ITGBL1: variants seen among roughly 807,000 people sequenced by gnomAD.
ITGBL1 encodes integrin beta-like protein 1.
ITGBL1 carries 51 observed loss-of-function variants against 68.5 expected under a neutral mutation model. The ratio of observed to expected loss-of-function variants is 0.74; its 90% CI spans 0.59 to 0.94. The LOEUF (loss-of-function observed/expected upper bound fraction) is 0.94. ITGBL1 is among the 40% of genes least tolerant of loss of function. ITGBL1 has a pLI of 0.00. For missense variants in ITGBL1, 649 were observed against 647.4 expected, an observed-to-expected ratio of 1.00 and a Z score of -0.03; for synonymous variants, 209 against 227.3, an observed-to-expected ratio of 0.92 and a Z score of 0.72.
intron 9 of ITGBL1, chr13:101,713,413 A>G (rs2034570968): frequency 1.3e-5 from 2 of 152,172 alleles, no homozygotes; most frequent in Non-Finnish European, 2.9e-5. Context: ...ACTCTTTTCA[A>G]CTGCACATTT....
chr13:101,557,470 A>G (rs570590038), intron 2 of ITGBL1, among the ~76,000 whole-genome samples: 130 of 152,324 alleles, frequency 8.5e-4, no homozygotes, highest in South Asian at 3.3e-3. Flanking sequence ...TCTATTTCAA[A>G]CCATGCAATA....
intron 2 of ITGBL1, among the ~76,000 whole-genome samples, chr13:101,458,241 TC>T (rs2048270958): frequency 6.6e-6 from 1 of 152,222 alleles, no homozygotes; most frequent in African/African-American, 2.4e-5. Flanking sequence ...GGCTAAAAGT[TC>T]TTGAGAAAGA....
At chr13:101,506,452 C>T (rs2049028498) in intron 2 of ITGBL1, among the ~76,000 whole-genome samples, 1 of 152,126 alleles carries the variant, frequency 6.6e-6, no homozygotes, top group Non-Finnish European at 1.5e-5. Context: ...TTCATAGCGA[C>T]TCTGAAAGAC....
chr13:101,658,231 T>A (rs976106055), intron 7 of ITGBL1, among the ~76,000 whole-genome samples: 1 of 152,200 alleles, frequency 6.6e-6, no homozygotes, highest in African/African-American at 2.4e-5. Flanking sequence ...ACTGGGAGAA[T>A]GACCTTAATT....
chr13:101,650,636 A>G (rs151256031), intron 7 of ITGBL1, among the ~76,000 whole-genome samples: 2 of 120,944 alleles, frequency 1.7e-5, no homozygotes, highest in Non-Finnish European at 3.5e-5. Context: ...TTTTTTTTTT[A>G]GTCAACTTTT....
intron 7 of ITGBL1, among the ~76,000 whole-genome samples, chr13:101,666,919 A>G (rs2033233581): frequency 6.6e-6 from 1 of 152,220 alleles, no homozygotes; most frequent in Non-Finnish European, 1.5e-5. Context: ...AGGTCAAAGA[A>G]TTAGGGCACA....
intron 2 of ITGBL1, among the ~76,000 whole-genome samples, chr13:101,467,250 G>A (rs1024753286): frequency 1.3e-5 from 2 of 152,158 alleles, no homozygotes; most frequent in Admixed American, 6.6e-5. Flanking sequence ...CCTTGGCAAA[G>A]GGAAACCTCA....
At chr13:101,637,697 C>CAGA (rs1161586211) in intron 7 of ITGBL1, among the ~76,000 whole-genome samples, 7 of 152,208 alleles carry the variant, frequency 4.6e-5, no homozygotes, top group African/African-American at 1.7e-4. Flanking sequence ...ATCACACCAA[C>CAGA]AGAAATACTA....
intron 7 of ITGBL1, among the ~76,000 whole-genome samples, chr13:101,627,321 C>T (rs2031820565): frequency 6.6e-6 from 1 of 151,942 alleles, no homozygotes; most frequent in Non-Finnish European, 1.5e-5. Flanking sequence ...TTTAAGTTCA[C>T]AGTAATACTG....
At chr13:101,649,994 C>T (rs1182240654) in intron 7 of ITGBL1, among the ~76,000 whole-genome samples, 1 of 151,868 alleles carries the variant, frequency 6.6e-6, no homozygotes, top group Non-Finnish European at 1.5e-5. Context: ...TCTGCTCTGC[C>T]CAATAAAGTG....
chr13:101,707,950 C>A (rs2034299075), intron 9 of ITGBL1, among the ~76,000 whole-genome samples: 1 of 150,960 alleles, frequency 6.6e-6, no homozygotes. Context: ...AGCCACCAAC[C>A]CAATAAAACA....
intron 7 of ITGBL1, among the ~76,000 whole-genome samples, chr13:101,635,193 C>T (rs2032129368): frequency 6.6e-6 from 1 of 151,872 alleles, no homozygotes. Flanking sequence ...TCTGTGTTGC[C>T]TCAGCAAATA....
intron 7 of ITGBL1, among the ~76,000 whole-genome samples, chr13:101,604,865 T>C (rs867777782): frequency 3.1e-3 from 56 of 17,990 alleles, no homozygotes; most frequent in African/African-American, 5.4e-3. Flanking sequence ...TATATATATA[T>C]ATATATATAT....
At chr13:101,548,426 G>T (rs2049863920) in intron 2 of ITGBL1, among the ~76,000 whole-genome samples, 1 of 151,774 alleles carries the variant, frequency 6.6e-6, no homozygotes, top group Non-Finnish European at 1.5e-5. Flanking sequence ...TACAGAGATT[G>T]AAAAGCTATT....
At chr13:101,625,067 A>G (rs1212340845) in intron 7 of ITGBL1, among the ~76,000 whole-genome samples, 1 of 152,166 alleles carries the variant, frequency 6.6e-6, no homozygotes, top group East Asian at 1.9e-4. Context: ...CAGCATATTT[A>G]TTTTTTAAAG....
At chr13:101,603,787 A>G (rs1352341041) in intron 7 of ITGBL1, among the ~76,000 whole-genome samples, 1 of 151,976 alleles carries the variant, frequency 6.6e-6, no homozygotes, top group Non-Finnish European at 1.5e-5. Flanking sequence ...AAATGACTTC[A>G]TCTCAAAAAT....
At chr13:101,519,960 C>A (rs762262332) in intron 2 of ITGBL1, among the ~76,000 whole-genome samples, 1 of 152,058 alleles carries the variant, frequency 6.6e-6, no homozygotes, top group Non-Finnish European at 1.5e-5. Context: ...GTCAATAAAG[C>A]CATGTGTGTA....
chr13:101,679,110 G>T lies in ITGBL1; in HGVS notation c.1016-13475G>T, dbSNP rs139788969. On this transcript the variant is annotated intron_variant, in intron 7 of 10. Transcript: ENST00000376180. ...TTTAGTAGACATGCGGTTTCACCAT[G>T]TTGGCCAGGATGGTCTCCATCTCCT... 7.2e-3 allele frequency among the ~76,000 whole-genome samples: 1,085 copies of T among 151,682 alleles called. 12 individuals carry two copies. The highest frequency in any genetic ancestry group is 0.024 in the African/African-American group (990 of 41,350).
At chr13:101,710,382 G>A (rs2034404057) in intron 9 of ITGBL1, among the ~76,000 whole-genome samples, 1 of 152,162 alleles carries the variant, frequency 6.6e-6, no homozygotes, top group Non-Finnish European at 1.5e-5. Flanking sequence ...ATGGAACTGT[G>A]ATCTATGATA....
Sources: gnomAD v4.1 joint callset for allele counts (sites outside exome capture counted in the v4.1 genomes callset) on GRCh38, gnomAD v4.1.1 for gene constraint, MANE v1.5 for transcripts, NCBI Gene and HGNC (gene_info 2026-07-23, HGNC 2026-07-21) for gene names.